The following ECH1 variants were observed in gnomAD, a reference collection of about 807,000 sequenced individuals.
ECH1 encodes the protein enoyl-CoA hydratase 1, also known as delta(3,5)-Delta(2,4)-dienoyl-CoA isomerase, mitochondrial.
In ECH1, 30 loss-of-function variants were observed where a neutral mutation model predicts 37.0. The observed-to-expected ratio is 0.81, with a 90% confidence interval of 0.61 to 1.10. ECH1 has a LOEUF of 1.10. ECH1 is among the 50% of genes least tolerant of loss of function. ECH1 has a pLI of 0.00. For synonymous variants in ECH1, 178 were observed against 176.0 expected, an observed-to-expected ratio of 1.01 and a Z score of -0.09; for missense variants, 456 against 441.6, an observed-to-expected ratio of 1.03 and a Z score of -0.29.
intron 2 of ECH1, 47 bp downstream of exon 2, chr19:38,831,262 G>A (rs769607209): frequency 1.9e-6 from 3 of 1,606,946 alleles, no homozygotes; most frequent in Non-Finnish European, 2.6e-6. Context: ...CAGTCCCGCA[G>A]CCCCGCCTCC....
intron 4 of ECH1, 24 bp downstream of exon 4, chr19:38,817,427 T>A: frequency 1.9e-6 from 3 of 1,611,976 alleles, no homozygotes; most frequent in Non-Finnish European, 2.5e-6. Context: ...TGGAGAAAGA[T>A]CCCCTCCAGA....
chr19:38,816,394 C>T (rs780117750), intron 7 of ECH1, 39 bp from the exon 8 acceptor site: 57 of 1,613,794 alleles, frequency 3.5e-5, no homozygotes, highest in Non-Finnish European at 4.2e-5. Context: ...GGCTGCCACC[C>T]CGGGGCTGGG....
In ECH1 at chr19:38,815,594, GC is replaced by G. The variant is rs765127983; in HGVS notation, c.*18del. On this transcript the variant is annotated 3_prime_UTR_variant, in exon 10 of 10. Coordinates refer to ENST00000221418, the MANE Select transcript of ECH1 (RefSeq NM_001398.3). Reference sequence around the variant, plus strand: ...GGACAAGGCCGGCCCCCTGGCTGGGGCCTGGGACGCGAGGGCTCTCAGAGCT... The same window carrying G: ...GGACAAGGCCGGCCCCCTGGCTGGGGCTGGGACGCGAGGGCTCTCAGAGCT... 9 of 1,613,064 alleles carry G rather than the reference GC, an allele frequency of 5.6e-6. No individual in the cohort carries two copies. The highest frequency in any genetic ancestry group is 2.7e-5 in the African/African-American group (2 of 74,954).
chr19:38,818,163 T>G (rs1339654027), intron 3 of ECH1: 1 of 935,480 alleles, frequency 1.1e-6, no homozygotes, highest in Non-Finnish European at 1.3e-6. Context: ...GCATCAGAAG[T>G]AGGATTTTAA....
At chr19:38,818,269 A>G in intron 3 of ECH1, 2 of 985,404 alleles carry the variant, frequency 2.0e-6, no homozygotes, top group South Asian at 4.7e-5. Flanking sequence ...CAATGCAGTC[A>G]ATGGTGGTGA....
intron 3 of ECH1, among the ~76,000 whole-genome samples, chr19:38,825,999 C>T (rs1206404409): frequency 2.6e-5 from 4 of 152,176 alleles, no homozygotes; most frequent in Admixed American, 6.5e-5. Flanking sequence ...TGGACACTGG[C>T]GCGGCCTTCT....
At chr19:38,819,263 G>C (rs1236769723) in intron 3 of ECH1, 1 of 979,018 alleles carries the variant, frequency 1.0e-6, no homozygotes, top group Non-Finnish European at 1.2e-6. Flanking sequence ...GAGGGAGGGA[G>C]CCAAGGACCT....
chr19:38,816,644 C>T (rs1292264230), intron 6 of ECH1, 121 bp from the exon 7 acceptor site: 7 of 1,195,424 alleles, frequency 5.9e-6, no homozygotes, highest in African/African-American at 1.5e-5. Context: ...CCAGTGACTT[C>T]CTCCAAAGTC....
chr19:38,816,129 A>G (rs1971571922), intron 8 of ECH1, 122 bp from the exon 9 acceptor site: 1 of 1,482,090 alleles, frequency 6.7e-7, no homozygotes, highest in African/African-American at 1.4e-5. Flanking sequence ...CAGCCCAATC[A>G]GAGCAGGGGG....
At chr19:38,819,782 C>T (rs933849170) in intron 3 of ECH1, among the ~76,000 whole-genome samples, 1 of 151,886 alleles carries the variant, frequency 6.6e-6, no homozygotes, top group Non-Finnish European at 1.5e-5. Context: ...CTCTTCTCTA[C>T]AAACAATGAA....
chr19:38,817,831 C>A (rs1971602733), intron 3 of ECH1: 1 of 897,012 alleles, frequency 1.1e-6, no homozygotes, highest in Non-Finnish European at 1.3e-6. Flanking sequence ...ATTTGTGTTA[C>A]CAATGGGTAA....
intron 3 of ECH1, among the ~76,000 whole-genome samples, chr19:38,827,656 G>C (rs1321157870): frequency 6.6e-6 from 1 of 152,154 alleles, no homozygotes; most frequent in East Asian, 1.9e-4. Context: ...CTTGCTGGGA[G>C]ATGTATGTTT....
chr19:38,826,207 C>T (rs1213896071), intron 3 of ECH1, among the ~76,000 whole-genome samples: 1 of 152,164 alleles, frequency 6.6e-6, no homozygotes, highest in African/African-American at 2.4e-5. Flanking sequence ...AAGGCTGGAG[C>T]TATTATCTAC....
rs566441438 is a variant in ECH1 at position 38,830,665 on chromosome 19, A to C, written c.349+413T>G. On this transcript the variant is annotated intron_variant, in intron 3 of 9. Transcript: ENST00000221418. ...ATATTGTCTCCAAAAAAAAAAAAAA[A>C]AACACACAGATAAAAGTGTGAGTTA... Among the ~76,000 whole-genome samples the C allele has an allele frequency of 1.5e-4, 23 of 151,856 alleles. 1 individual carries two copies. The highest frequency in any genetic ancestry group is 2.5e-4 in the Non-Finnish European group (17 of 67,962).
intron 3 of ECH1, among the ~76,000 whole-genome samples, chr19:38,818,944 A>C (rs1307739377): frequency 2.1e-5 from 2 of 94,922 alleles, no homozygotes; most frequent in African/African-American, 3.7e-5. Context: ...CACTGTTCCC[A>C]ACCTGTTACT....
chr19:38,826,801 C>G (rs1971745629), intron 3 of ECH1, among the ~76,000 whole-genome samples: 2 of 152,102 alleles, frequency 1.3e-5, no homozygotes. Flanking sequence ...AGATCTAGGC[C>G]ACTTCTCAAG....
chr19:38,828,912 C>T (rs1971776702), intron 3 of ECH1, among the ~76,000 whole-genome samples: 1 of 151,708 alleles, frequency 6.6e-6, no homozygotes, highest in Admixed American at 6.6e-5. Flanking sequence ...TGAGCCACCA[C>T]ACCTGGCCAG....
In ECH1 at chr19:38,831,359, G is replaced by A; in HGVS notation, c.210C>T (p.Val70=). Residue 70 remains valine, a synonymous_variant, in exon 2 of 10, where the codon GTC becomes GTT. Transcript: ENST00000221418. ...TCCTCTTGTTGGGCCGGTTGAGCTG[G>A]ACATGCAGAACATGTTTCTGCGCAG... ...VTSAQKHVLH[V]QLNRPNKRNA... The A allele has an allele frequency of 6.2e-7, 1 of 1,613,866 alleles. No individual in the cohort carries two copies.
In ECH1 at chr19:38,831,765, G is replaced by A. The variant is rs372144332; in HGVS notation, c.8C>T (p.Ala3Val). Reference sequence around the variant, plus strand: ...GAGTCTGCGAGAAGCCACTATCCCCGCCGCCATCGCCGCCGCCTTCGTCTA... The same window carrying A: ...GAGTCTGCGAGAAGCCACTATCCCCACCGCCATCGCCGCCGCCTTCGTCTA... MA[A>V]GIVASRRLRD... Residue 3 changes from alanine (A) to valine (V), a missense_variant, in exon 1 of 10, where the codon GCG (alanine) becomes GTG (valine). Physicochemically the swap from Ala to Val is moderately conservative, Grantham distance 64. Transcript: ENST00000221418. 5.5e-5 allele frequency: 89 copies of A among 1,613,062 alleles called. No homozygotes were observed. Among genetic ancestry groups the A allele is most frequent in the Non-Finnish European group, 7.3e-5 (86 of 1,179,790 alleles).
Sources: gnomAD v4.1 joint callset for allele counts (sites outside exome capture counted in the v4.1 genomes callset) on GRCh38, gnomAD v4.1.1 for gene constraint, MANE v1.5 for transcripts, NCBI Gene and HGNC (gene_info 2026-07-23, HGNC 2026-07-21) for gene names.